The following NAALADL2 variants were observed in gnomAD, a reference collection of about 807,000 sequenced individuals.
The protein encoded by NAALADL2 is inactive N-acetylated-alpha-linked acidic dipeptidase-like protein 2.
Under a neutral mutation model 87.2 loss-of-function variants are expected in NAALADL2, and 76 were observed. That is an observed-to-expected ratio of 0.87 (90% confidence interval 0.72 to 1.05). NAALADL2 has a LOEUF of 1.05. Ranked by LOEUF, NAALADL2 falls within the 50% of genes least tolerant of loss-of-function variation. The pLI is 0.00. For missense variants in NAALADL2, 1,089 were observed against 945.8 expected (o/e 1.15, Z -1.99); for synonymous variants, 354 against 331.0 (o/e 1.07, Z -0.75).
chr3:175,787,990 A>C (rs1483869761), intron 13 of NAALADL2, among the ~76,000 whole-genome samples: 1 of 152,082 alleles, frequency 6.6e-6, no homozygotes, highest in Non-Finnish European at 1.5e-5. Context: ...CTAGGGCTTC[A>C]CATTCTCTTA....
intron 5 of NAALADL2, among the ~76,000 whole-genome samples, chr3:175,393,472 A>T (rs73881490): frequency 0.17 from 26,181 of 151,618 alleles, 2,403 homozygotes; most frequent in South Asian, 0.23. Context: ...TTGTCTTTTT[A>T]TAATTTTTTA....
intron 1 of NAALADL2, among the ~76,000 whole-genome samples, chr3:175,051,499 G>A (rs565571298): frequency 7.9e-4 from 120 of 152,258 alleles, no homozygotes; most frequent in Non-Finnish European, 1.3e-3. Flanking sequence ...AGCTCCTAGA[G>A]GTCACAGGTA....
intron 2 of NAALADL2, among the ~76,000 whole-genome samples, chr3:174,712,587 C>A (rs996189454): frequency 6.6e-6 from 1 of 151,454 alleles, no homozygotes; most frequent in African/African-American, 2.4e-5. Context: ...GGGGTTTCAC[C>A]ACTGTAGCCA....
At chr3:175,217,569 C>T (rs1000597618) in intron 2 of NAALADL2, among the ~76,000 whole-genome samples, 2 of 152,096 alleles carry the variant, frequency 1.3e-5, no homozygotes, top group Non-Finnish European at 2.9e-5. Context: ...TGGCAATTAC[C>T]AGAAGTTGCT....
chr3:175,173,935 T>C (rs1438104950), intron 2 of NAALADL2, among the ~76,000 whole-genome samples: 1 of 149,152 alleles, frequency 6.7e-6, no homozygotes, highest in Non-Finnish European at 1.5e-5. Context: ...GAGAATTATA[T>C]TGTGCTTTTA....
intron 3 of NAALADL2, among the ~76,000 whole-genome samples, chr3:174,852,298 T>C (rs544443246): frequency 3.3e-5 from 5 of 152,230 alleles, no homozygotes; most frequent in Admixed American, 2.6e-4. Flanking sequence ...GCAGATGTTA[T>C]AGCCTTATAT....
At chr3:175,145,706 C>T (rs1170160502) in intron 2 of NAALADL2, among the ~76,000 whole-genome samples, 1 of 151,778 alleles carries the variant, frequency 6.6e-6, no homozygotes, top group Non-Finnish European at 1.5e-5. Flanking sequence ...TGAATTATTG[C>T]TATTGCAAAA....
chr3:175,285,040 C>T (rs1754813482), intron 4 of NAALADL2, among the ~76,000 whole-genome samples: 1 of 152,168 alleles, frequency 6.6e-6, no homozygotes, highest in South Asian at 2.1e-4. Flanking sequence ...TTATGTGCAC[C>T]TTTATGGATG....
At chr3:174,579,548 A>G (rs1454679607) in intron 2 of NAALADL2, among the ~76,000 whole-genome samples, 1 of 152,078 alleles carries the variant, frequency 6.6e-6, no homozygotes, top group African/African-American at 2.4e-5. Context: ...AATTGCACAG[A>G]GAAATGGGAG....
At chr3:175,211,464 T>A (rs1241566020) in intron 2 of NAALADL2, among the ~76,000 whole-genome samples, 5 of 151,952 alleles carry the variant, frequency 3.3e-5, no homozygotes, top group African/African-American at 1.2e-4. Flanking sequence ...AGAGAAAATA[T>A]ATTTGTCTTA....
intron 1 of NAALADL2, among the ~76,000 whole-genome samples, chr3:174,494,383 C>G (rs547319167): frequency 1.3e-5 from 2 of 150,452 alleles, no homozygotes; most frequent in East Asian, 3.9e-4. Context: ...GGGGAGTTTT[C>G]AAACACCGCA....
At chr3:174,963,993 T>C (rs1190494901) in intron 1 of NAALADL2, among the ~76,000 whole-genome samples, 1 of 151,850 alleles carries the variant, frequency 6.6e-6, no homozygotes, top group Non-Finnish European at 1.5e-5. Flanking sequence ...ACCATAATAA[T>C]TTATTTCTCC....
chr3:175,198,576 A>G (rs563557754), intron 2 of NAALADL2, among the ~76,000 whole-genome samples: 4 of 152,068 alleles, frequency 2.6e-5, no homozygotes, highest in Admixed American at 2.6e-4. Context: ...TCTTTTCACA[A>G]TGCTGGAGCT....
intron 2 of NAALADL2, among the ~76,000 whole-genome samples, chr3:175,173,822 G>GT (rs1735254035): frequency 6.6e-6 from 1 of 152,200 alleles, no homozygotes; most frequent in African/African-American, 2.4e-5. Context: ...CATTCAGTAA[G>GT]TGTGTTGAAG....
At chr3:174,849,810 T>G (rs923653353) in intron 3 of NAALADL2, among the ~76,000 whole-genome samples, 4 of 151,750 alleles carry the variant, frequency 2.6e-5, no homozygotes, top group Non-Finnish European at 5.9e-5. Context: ...GGATCATCAT[T>G]ATCATTGTCT....
chr3:175,507,154 C>T (rs553182128), intron 9 of NAALADL2, among the ~76,000 whole-genome samples: 15 of 151,842 alleles, frequency 9.9e-5, no homozygotes, highest in Admixed American at 3.9e-4. Context: ...TTTCTTTCAA[C>T]GTTCCCTCTG....
intron 5 of NAALADL2, among the ~76,000 whole-genome samples, chr3:175,368,785 A>G (rs1249844200): frequency 6.6e-6 from 1 of 152,168 alleles, no homozygotes; most frequent in African/African-American, 2.4e-5. Context: ...CTTCTAAGCT[A>G]CAAACCTGCA....
At chr3:175,588,926 A>G (rs1283660780) in intron 10 of NAALADL2, among the ~76,000 whole-genome samples, 4 of 152,138 alleles carry the variant, frequency 2.6e-5, no homozygotes, top group African/African-American at 9.7e-5. Context: ...ATCAACTCCA[A>G]TTTAAAGATT....
intron 1 of NAALADL2, among the ~76,000 whole-genome samples, chr3:174,445,778 C>G (rs1715012153): frequency 6.6e-6 from 1 of 151,930 alleles, no homozygotes; most frequent in African/African-American, 2.4e-5. Context: ...ATTTGTGTAA[C>G]AGAATAGATA....
Sources: gnomAD v4.1 joint callset for allele counts (sites outside exome capture counted in the v4.1 genomes callset) on GRCh38, gnomAD v4.1.1 for gene constraint, MANE v1.5 for transcripts, NCBI Gene and HGNC (gene_info 2026-07-23, HGNC 2026-07-21) for gene names.